Variants in ADGRL3 observed in about 807,000 individuals in gnomAD.
ADGRL3 encodes adhesion G protein-coupled receptor L3.
Under a neutral mutation model 153.5 loss-of-function variants are expected in ADGRL3, and 62 were observed. The observed-to-expected ratio is 0.40, with a 90% CI of 0.33 to 0.50. The LOEUF (loss-of-function observed/expected upper bound fraction) is 0.50. Ranked by LOEUF, ADGRL3 falls within the 20% of genes least tolerant of loss-of-function variation. The pLI, the probability that ADGRL3 is intolerant of heterozygous loss-of-function variation, is 0.47. For synonymous variants in ADGRL3, 710 were observed against 672.5 expected (o/e 1.06, Z -0.86); for missense variants, 1,641 against 1,859.4 (o/e 0.88, Z 2.16).
intron 2 of ADGRL3, among the ~76,000 whole-genome samples, chr4:61,445,299 A>G (rs916612681): frequency 6.6e-6 from 1 of 152,202 alleles, no homozygotes; most frequent in Non-Finnish European, 1.5e-5. Flanking sequence ...CTAATATAAA[A>G]GAAACCCACA....
chr4:61,433,376 C>T (rs1263333328), intron 2 of ADGRL3, among the ~76,000 whole-genome samples: 3 of 117,636 alleles, frequency 2.6e-5, no homozygotes, highest in Non-Finnish European at 3.9e-5. Flanking sequence ...AAAAAAAAAT[C>T]AGGCCACCTC....
chr4:61,681,444 T>C (rs1465012756), intron 6 of ADGRL3, among the ~76,000 whole-genome samples: 1 of 152,070 alleles, frequency 6.6e-6, no homozygotes, highest in African/African-American at 2.4e-5. Context: ...TCTTCTCTCA[T>C]GGTGAATTTT....
At chr4:61,261,679 A>G (rs906384150) in intron 1 of ADGRL3, among the ~76,000 whole-genome samples, 6 of 152,164 alleles carry the variant, frequency 3.9e-5, no homozygotes, top group African/African-American at 1.4e-4. Flanking sequence ...AAAAGAGACA[A>G]ATGATTAAAG....
At chr4:61,284,956 T>C (rs1423240744) in intron 1 of ADGRL3, among the ~76,000 whole-genome samples, 2 of 148,512 alleles carry the variant, frequency 1.3e-5, no homozygotes, top group South Asian at 2.1e-4. Context: ...TTCATGTATG[T>C]TACCAATCTT....
chr4:61,453,413 T>G (rs572433052), intron 2 of ADGRL3, among the ~76,000 whole-genome samples: 1 of 152,282 alleles, frequency 6.6e-6, no homozygotes, highest in Admixed American at 6.5e-5. Flanking sequence ...TCTTTTGGAT[T>G]GATTCCTAGG....
chr4:61,466,168 C>T (rs1261687899), intron 2 of ADGRL3, among the ~76,000 whole-genome samples: 2 of 151,998 alleles, frequency 1.3e-5, no homozygotes, highest in African/African-American at 4.8e-5. Context: ...CAATCCAACT[C>T]ACTTTTAATG....
chr4:61,843,288 A>G (rs1481113778), intron 9 of ADGRL3, among the ~76,000 whole-genome samples: 2 of 152,186 alleles, frequency 1.3e-5, no homozygotes, highest in African/African-American at 2.4e-5. Context: ...GTCCACCAAT[A>G]TACTTTCCCT....
chr4:61,839,246 G>A (rs2097986452), intron 9 of ADGRL3, among the ~76,000 whole-genome samples: 1 of 152,110 alleles, frequency 6.6e-6, no homozygotes, highest in African/African-American at 2.4e-5. Flanking sequence ...CTGGAGTACA[G>A]TGACACTTGT....
At chr4:61,875,730 C>T (rs1397479880) in intron 9 of ADGRL3, among the ~76,000 whole-genome samples, 2 of 152,156 alleles carry the variant, frequency 1.3e-5, no homozygotes, top group Non-Finnish European at 2.9e-5. Context: ...TCGAGGTCTA[C>T]AAATAACTAG....
intron 21 of ADGRL3, among the ~76,000 whole-genome samples, chr4:62,024,257 T>C (rs1490764962): frequency 6.6e-6 from 1 of 152,142 alleles, no homozygotes; most frequent in African/African-American, 2.4e-5. Context: ...CAATCTATTA[T>C]TTAAAGTTTA....
At chr4:61,894,038 A>G (rs976873219) in intron 10 of ADGRL3, among the ~76,000 whole-genome samples, 3 of 152,138 alleles carry the variant, frequency 2.0e-5, no homozygotes, top group Non-Finnish European at 4.4e-5. Flanking sequence ...TACTGATATC[A>G]TTCATAATAT....
chr4:61,258,094 C>G (rs1046444281), intron 1 of ADGRL3, among the ~76,000 whole-genome samples: 6 of 152,182 alleles, frequency 3.9e-5, no homozygotes, highest in Non-Finnish European at 8.8e-5. Context: ...CTATCCCCCC[C>G]AGACTAAATA....
chr4:61,758,756 T>G (rs906430368), intron 8 of ADGRL3, among the ~76,000 whole-genome samples: 2 of 152,234 alleles, frequency 1.3e-5, no homozygotes, highest in African/African-American at 4.8e-5. Flanking sequence ...CATTAGTTGA[T>G]GCAGTTTCTT....
intron 1 of ADGRL3, among the ~76,000 whole-genome samples, chr4:61,283,634 A>G (rs2093812829): frequency 1.3e-5 from 2 of 152,062 alleles, no homozygotes; most frequent in South Asian, 2.1e-4. Flanking sequence ...TCAGTTCTCC[A>G]AAGTGCAGAT....
At chr4:61,521,744 G>A (rs969987893) in intron 4 of ADGRL3, among the ~76,000 whole-genome samples, 1 of 152,056 alleles carries the variant, frequency 6.6e-6, no homozygotes, top group Non-Finnish European at 1.5e-5. Flanking sequence ...ATAAATGAGT[G>A]TACCATTTAC....
chr4:62,007,931 AG>A (rs1312692371), intron 21 of ADGRL3, among the ~76,000 whole-genome samples: 1 of 152,102 alleles, frequency 6.6e-6, no homozygotes, highest in Non-Finnish European at 1.5e-5. Context: ...AAGTGGATTG[AG>A]GAGTAGCCAG....
rs769999033 is a variant in ADGRL3 at position 62,070,234 on chromosome 4, C to T, written c.3958C>T (p.Arg1320Cys). The change falls in exon 27 of 27, where the codon CGT (arginine) becomes TGT (cysteine). Residue 1320 changes from arginine (R) to cysteine (C), a missense_variant. This residue lies in a region of ADGRL3 where 517 missense variants were observed against 555.0 expected (regional missense o/e 0.93). Coordinates refer to ENST00000683033, the MANE Select transcript of ADGRL3 (RefSeq NM_001387552.1). ...YLSNCVQIID[R>C]GYNHNETALE... ...GAGCAACTGTGTGCAAATCATAGAC[C>T]GTGGCTATAACCATAACGAGACCGC... The T allele has an allele frequency of 7.4e-6, 12 of 1,613,456 alleles. No homozygotes were observed. Among genetic ancestry groups the T allele is most frequent in the East Asian group, 2.2e-5 (1 of 44,772 alleles).
chr4:62,029,025 C>A (rs1213844701), intron 22 of ADGRL3, 144 bp downstream of exon 22: 3 of 680,854 alleles, frequency 4.4e-6, no homozygotes, highest in Non-Finnish European at 7.2e-6. Flanking sequence ...AATAATCTGG[C>A]ATACAACCTA....
chr4:61,221,002 C>T (rs778558522), intron 1 of ADGRL3, among the ~76,000 whole-genome samples: 7 of 152,006 alleles, frequency 4.6e-5, no homozygotes, highest in Non-Finnish European at 8.8e-5. Context: ...GCACATTTTC[C>T]CCTGAATCAA....
Sources: gnomAD v4.1 joint callset for allele counts (sites outside exome capture counted in the v4.1 genomes callset) on GRCh38, gnomAD v4.1.1 for gene constraint, gnomAD v4.1.1 regional missense constraint, MANE v1.5 for transcripts, NCBI Gene and HGNC (gene_info 2026-07-23, HGNC 2026-07-21) for gene names.